The following PHACTR3 variants were observed in gnomAD, a reference collection of about 807,000 sequenced individuals.
PHACTR3 encodes the protein phosphatase and actin regulator 3.
PHACTR3 carries 16 observed loss-of-function variants against 66.8 expected under a neutral mutation model. The observed-to-expected ratio is 0.24, with a 90% CI of 0.16 to 0.36. PHACTR3 has a LOEUF of 0.36. Ranked by LOEUF, PHACTR3 falls within the 10% of genes least tolerant of loss-of-function variation. The pLI, the probability that PHACTR3 is intolerant of heterozygous loss-of-function variation, is 1.00. For synonymous variants in PHACTR3, 323 were observed against 292.1 expected, an observed-to-expected ratio of 1.11 and a Z score of -1.08; for missense variants, 647 against 719.9, an observed-to-expected ratio of 0.90 and a Z score of 1.16.
chr20:59,636,040 TA>T (rs1455501356), intron 1 of PHACTR3, among the ~76,000 whole-genome samples: 1 of 152,270 alleles, frequency 6.6e-6, no homozygotes, highest in Non-Finnish European at 1.5e-5. Context: ...TCCTTCACAT[TA>T]GCTAATGCTG....
chr20:59,635,442 C>A (rs2034865549), intron 1 of PHACTR3, among the ~76,000 whole-genome samples: 2 of 151,594 alleles, frequency 1.3e-5, no homozygotes, highest in Admixed American at 1.3e-4. Flanking sequence ...CCATGTTAGT[C>A]AGGCTGGTCG....
At chr20:59,672,885 C>T (rs1313930182) in intron 1 of PHACTR3, among the ~76,000 whole-genome samples, 1 of 152,180 alleles carries the variant, frequency 6.6e-6, no homozygotes, top group Non-Finnish European at 1.5e-5. Context: ...TGGGAAGAGC[C>T]TTGGGGGCTT....
intron 1 of PHACTR3, chr20:59,626,431 A>G (rs1304126292): frequency 1.3e-5 from 2 of 152,344 alleles, no homozygotes; most frequent in Non-Finnish European, 2.9e-5. Flanking sequence ...AGAGGACCTC[A>G]GAGCAGGGCA....
Position 59,836,495 on chromosome 20 carries a change from T to G in PHACTR3, c.1329-10T>G, listed in dbSNP as rs759139549. On this transcript the variant is annotated splice_polypyrimidine_tract_variant and intron_variant, in intron 8 of 12. Transcript: ENST00000371015. ...ATGGTGCAAAATGTAATTTTAGTGTTTTTCCGCAGACGGCTGAGCCAAAGA... is the reference window on the plus strand; with the variant it reads ...ATGGTGCAAAATGTAATTTTAGTGTGTTTCCGCAGACGGCTGAGCCAAAGA... The G allele has an allele frequency of 2.5e-6, 4 of 1,607,654 alleles. No homozygotes were observed. Among genetic ancestry groups the G allele is most frequent in the Non-Finnish European group, 2.5e-6 (3 of 1,177,720 alleles).
intron 1 of PHACTR3, among the ~76,000 whole-genome samples, chr20:59,734,128 C>A (rs1034532302): frequency 6.6e-6 from 1 of 152,134 alleles, no homozygotes; most frequent in Non-Finnish European, 1.5e-5. Context: ...CCTAAGCTCA[C>A]CTATGTCAAC....
chr20:59,697,609 G>A (rs553865563), intron 1 of PHACTR3, among the ~76,000 whole-genome samples: 1 of 152,252 alleles, frequency 6.6e-6, no homozygotes, highest in African/African-American at 2.4e-5. Flanking sequence ...CAAGGAAATA[G>A]TCTTCATCAT....
In PHACTR3 at chr20:59,686,953, GTGA is replaced by G. The variant is rs1267838751; in HGVS notation, c.119-56145_119-56143del. 6.3e-4 allele frequency among the ~76,000 whole-genome samples: 93 copies of G among 146,744 alleles called. 1 individual carries two copies. The highest frequency in any genetic ancestry group is 9.5e-4 in the Non-Finnish European group (63 of 66,520). On this transcript the variant is annotated intron_variant, in intron 1 of 12. Coordinates refer to ENST00000371015, the MANE Select transcript of PHACTR3 (RefSeq NM_080672.5). ...GATGGTGGTGATGATGGTGGTGATT[GTGA>G]TGATGATGGTGATTGTGATGATGGT...
intron 1 of PHACTR3, among the ~76,000 whole-genome samples, chr20:59,621,468 T>C (rs2034236174): frequency 6.6e-6 from 1 of 152,264 alleles, no homozygotes; most frequent in Admixed American, 6.5e-5. Context: ...GAGCATGGTC[T>C]TGGCACATGT....
chr20:59,722,705 T>C (rs36037240), intron 1 of PHACTR3, among the ~76,000 whole-genome samples: 12,735 of 152,138 alleles, frequency 0.084, 790 homozygotes, highest in Non-Finnish European at 0.13. Flanking sequence ...CTTGCCATCA[T>C]GCATGCCACA....
intron 7 of PHACTR3, among the ~76,000 whole-genome samples, chr20:59,789,275 C>T (rs551623747): frequency 6.6e-6 from 1 of 152,116 alleles, no homozygotes; most frequent in African/African-American, 2.4e-5. Flanking sequence ...GCTACTGAAA[C>T]AGCTGGAGTT....
intron 8 of PHACTR3, among the ~76,000 whole-genome samples, chr20:59,823,337 G>C (rs142765265): frequency 3.1e-4 from 47 of 152,226 alleles, no homozygotes; most frequent in East Asian, 2.3e-3. Context: ...GCTGTGCCCA[G>C]CTCGGGGTGA....
At chr20:59,647,695 C>T (rs1262586863) in intron 1 of PHACTR3, among the ~76,000 whole-genome samples, 4 of 152,188 alleles carry the variant, frequency 2.6e-5, no homozygotes, top group Non-Finnish European at 4.4e-5. Flanking sequence ...TTATCACATA[C>T]AGCCACACAC....
intron 1 of PHACTR3, among the ~76,000 whole-genome samples, chr20:59,592,194 C>T (rs915524824): frequency 3.3e-5 from 5 of 152,112 alleles, no homozygotes; most frequent in African/African-American, 4.8e-5. Flanking sequence ...TGTGCTGTTT[C>T]CCACGCCTGG....
chr20:59,833,885 G>A (rs1416826651), intron 8 of PHACTR3, among the ~76,000 whole-genome samples: 1 of 152,170 alleles, frequency 6.6e-6, no homozygotes, highest in Non-Finnish European at 1.5e-5. Context: ...CTGGAGGGAA[G>A]TTTTATAGGG....
In PHACTR3 at chr20:59,604,877, CTTTTTTT is replaced by C. The variant is rs11477768; in HGVS notation, c.-122_-116del. 2.0e-4 allele frequency: 199 copies of C among 978,790 alleles called. No homozygotes were observed. Among genetic ancestry groups the C allele is most frequent in the Admixed American group, 1.2e-3 (18 of 14,700 alleles). The allele number at this position is 978,790 out of a possible 1,614,324, so 60.6% of individuals were successfully genotyped here. A position where few individuals can be genotyped will look rare whatever the true frequency, so the allele number is the denominator to read the frequency against. On this transcript the variant is annotated 5_prime_UTR_variant, in exon 1 of 13. Transcript: ENST00000371015. ...TCTCCAGCTCGTTTCCTTTCCCGGC[CTTTTTTT>C]TTTTTTTTTTTTTTTAATTTTCTTT...
chr20:59,715,961 A>G (rs12624636), intron 1 of PHACTR3, among the ~76,000 whole-genome samples: 6,553 of 152,312 alleles, frequency 0.043, 392 homozygotes, highest in African/African-American at 0.14. Context: ...TGAAACACAC[A>G]TGCCTGCCTT....
At chr20:59,622,981 C>CAAAGAAAAAAAAAAAAAAAAAAA (rs2034300243) in intron 1 of PHACTR3, among the ~76,000 whole-genome samples, 1 of 32,216 alleles carries the variant, frequency 3.1e-5, no homozygotes, top group Non-Finnish European at 5.5e-5. Flanking sequence ...CAGCTTTAAC[C>CAAAGAAAAAAAAAAAAAAAAAAA]AAAAAAAAAA....
chr20:59,720,953 T>C (rs1378856615), intron 1 of PHACTR3, among the ~76,000 whole-genome samples: 1 of 127,692 alleles, frequency 7.8e-6, no homozygotes, highest in African/African-American at 5.1e-5. Flanking sequence ...TGGATTTCTG[T>C]ACTGGGTGTC....
intron 8 of PHACTR3, 59 bp downstream of exon 8, chr20:59,806,253 C>G: frequency 6.4e-7 from 1 of 1,574,000 alleles, no homozygotes. Context: ...GGCGGAGCCC[C>G]TCTGAGATCC....
Sources: gnomAD v4.1 joint callset for allele counts (sites outside exome capture counted in the v4.1 genomes callset) on GRCh38, gnomAD v4.1.1 for gene constraint, MANE v1.5 for transcripts, NCBI Gene and HGNC (gene_info 2026-07-23, HGNC 2026-07-21) for gene names.